Variants in SYNDIG1 observed in about 807,000 individuals in gnomAD.
SYNDIG1 encodes synapse differentiation inducing 1.
Under a neutral mutation model 19.4 loss-of-function variants are expected in SYNDIG1, and 9 were observed. The observed-to-expected ratio is 0.46, with a 90% CI of 0.28 to 0.81. The LOEUF is 0.81. Among genes scored for constraint, SYNDIG1 ranks in the 30% least tolerant of loss-of-function variants. SYNDIG1 has a pLI of 0.12. For missense variants in SYNDIG1, 311 were observed against 343.3 expected (o/e 0.91, Z 0.74); for synonymous variants, 141 against 145.9 (o/e 0.97, Z 0.24).
intron 2 of SYNDIG1, among the ~76,000 whole-genome samples, chr20:24,571,449 G>GTT (rs1568651272): frequency 1.3e-5 from 2 of 151,976 alleles, no homozygotes; most frequent in African/African-American, 4.8e-5. Flanking sequence ...AAAATTTTAT[G>GTT]TAAGTCCAAA....
intron 1 of SYNDIG1, among the ~76,000 whole-genome samples, chr20:24,515,710 C>A (rs2056846680): frequency 6.6e-6 from 1 of 152,156 alleles, no homozygotes; most frequent in South Asian, 2.1e-4. Flanking sequence ...AATGGAAGAA[C>A]ATTCCATGCT....
chr20:24,480,742 T>C (rs1427717270), intron 1 of SYNDIG1, among the ~76,000 whole-genome samples: 7 of 152,248 alleles, frequency 4.6e-5, no homozygotes, highest in African/African-American at 1.7e-4. Context: ...TATCAGCAGA[T>C]GAGCGGATAA....
chr20:24,620,900 G>T (rs2059028080), intron 3 of SYNDIG1, among the ~76,000 whole-genome samples: 1 of 152,136 alleles, frequency 6.6e-6, no homozygotes, highest in Non-Finnish European at 1.5e-5. Flanking sequence ...GTTCTTATAA[G>T]TTCATGGCAT....
At chr20:24,627,496 TG>T (rs1389832876) in intron 3 of SYNDIG1, among the ~76,000 whole-genome samples, 1 of 152,218 alleles carries the variant, frequency 6.6e-6, no homozygotes, top group Non-Finnish European at 1.5e-5. Context: ...CTGATTCTGA[TG>T]ACCTACCAAA....
chr20:24,633,192 G>A (rs1486247363), intron 3 of SYNDIG1, among the ~76,000 whole-genome samples: 1 of 152,180 alleles, frequency 6.6e-6, no homozygotes, highest in East Asian at 1.9e-4. Context: ...CCTCTGGTCA[G>A]AGTGCCTCCA....
Position 24,573,030 on chromosome 20 carries a change from A to G in SYNDIG1, c.481-11826A>G, listed in dbSNP as rs556732077. Among the ~76,000 whole-genome samples, 10 of 152,230 alleles carry G rather than the reference A, an allele frequency of 6.6e-5. 1 individual carries two copies. Among genetic ancestry groups the G allele is most frequent in the East Asian group, 5.8e-4 (3 of 5,166 alleles). ...CCTCCCAGCCCCCGTCCTGACCCAC[A>G]TTAGTCTGAAGTTTTACCCACTGCT... On this transcript the variant is annotated intron_variant, in intron 2 of 3. Coordinates refer to ENST00000376862, the MANE Select transcript of SYNDIG1 (RefSeq NM_024893.3).
intron 3 of SYNDIG1, among the ~76,000 whole-genome samples, chr20:24,628,248 C>T (rs565519664): frequency 2.6e-5 from 4 of 152,164 alleles, no homozygotes; most frequent in Non-Finnish European, 5.9e-5. Flanking sequence ...GCCTGCGTGC[C>T]GTTAAGTCGA....
intron 3 of SYNDIG1, among the ~76,000 whole-genome samples, chr20:24,635,411 T>A (rs981712906): frequency 2.0e-5 from 3 of 152,222 alleles, no homozygotes; most frequent in Non-Finnish European, 2.9e-5. Flanking sequence ...TCATTCCTGG[T>A]CATCTTGCAT....
chr20:24,518,884 T>C (rs2056945130), intron 1 of SYNDIG1, among the ~76,000 whole-genome samples: 2 of 152,250 alleles, frequency 1.3e-5, no homozygotes, highest in African/African-American at 4.8e-5. Context: ...ACCACCTGTC[T>C]TCTGGCAACC....
chr20:24,486,841 T>C (rs1568575288), intron 1 of SYNDIG1, among the ~76,000 whole-genome samples: 1 of 152,110 alleles, frequency 6.6e-6, no homozygotes, highest in Non-Finnish European at 1.5e-5. Flanking sequence ...GTATTTTTAG[T>C]AGAGACCGGG....
At chr20:24,496,033 G>T (rs146896540) in intron 1 of SYNDIG1, among the ~76,000 whole-genome samples, 1 of 152,190 alleles carries the variant, frequency 6.6e-6, no homozygotes, top group East Asian at 1.9e-4. Flanking sequence ...TTTTAGTGGA[G>T]ACAGGGTTTC....
chr20:24,658,000 G>A (rs2059546061), intron 3 of SYNDIG1, among the ~76,000 whole-genome samples: 1 of 152,184 alleles, frequency 6.6e-6, no homozygotes, highest in African/African-American at 2.4e-5. Context: ...CAGGTGTCTG[G>A]CGAGGGCATA....
At chr20:24,489,334 A>G (rs1012449628) in intron 1 of SYNDIG1, among the ~76,000 whole-genome samples, 3 of 150,766 alleles carry the variant, frequency 2.0e-5, no homozygotes, top group African/African-American at 7.4e-5. Context: ...ACACATATAG[A>G]TTCATGCACA....
chr20:24,495,461 TTC>T (rs1389068198), intron 1 of SYNDIG1: 6 of 152,396 alleles, frequency 3.9e-5, no homozygotes, highest in Admixed American at 1.3e-4. Flanking sequence ...AGCTGACGGA[TTC>T]TCTGTCATGC....
chr20:24,503,533 A>C (rs917332658), intron 1 of SYNDIG1, among the ~76,000 whole-genome samples: 1 of 152,160 alleles, frequency 6.6e-6, no homozygotes, highest in Non-Finnish European at 1.5e-5. Context: ...CTGATACGGG[A>C]TGCAGAGTTC....
At chr20:24,623,337 A>G (rs1243590740) in intron 3 of SYNDIG1, among the ~76,000 whole-genome samples, 1 of 152,262 alleles carries the variant, frequency 6.6e-6, no homozygotes, top group Admixed American at 6.5e-5. Flanking sequence ...AATAGAAACT[A>G]TCTCAGATAA....
At chr20:24,664,311 G>A (rs1032189820) in intron 3 of SYNDIG1, among the ~76,000 whole-genome samples, 9 of 152,080 alleles carry the variant, frequency 5.9e-5, no homozygotes, top group Admixed American at 1.3e-4. Flanking sequence ...ATGACATGCC[G>A]ACTCCCATAC....
intron 3 of SYNDIG1, among the ~76,000 whole-genome samples, chr20:24,600,988 G>A (rs895108333): frequency 3.9e-5 from 6 of 152,000 alleles, no homozygotes; most frequent in African/African-American, 7.3e-5. Flanking sequence ...TTGTATCAAC[G>A]GAAAAATTTC....
chr20:24,593,098 AG>A (rs2058538964), intron 3 of SYNDIG1, among the ~76,000 whole-genome samples: 3 of 152,192 alleles, frequency 2.0e-5, no homozygotes, highest in African/African-American at 7.2e-5. Context: ...GTAGATGTAC[AG>A]GTTTGTTATA....
Sources: allele counts gnomAD v4.1 joint callset (sites outside exome capture counted in the v4.1 genomes callset), GRCh38; gene constraint gnomAD v4.1.1; transcripts MANE v1.5; gene names NCBI Gene and HGNC (gene_info 2026-07-23, HGNC 2026-07-21).